The following TBC1D30 variants were observed in gnomAD, a reference collection of about 807,000 sequenced individuals.
The protein encoded by TBC1D30 is TBC1 domain family member 30.
A neutral mutation model predicts 63.2 loss-of-function variants in TBC1D30; 31 were observed. The observed-to-expected ratio is 0.49, with a 90% CI of 0.37 to 0.66. The LOEUF (loss-of-function observed/expected upper bound fraction) is 0.66. Among genes scored for constraint, TBC1D30 ranks in the 30% least tolerant of loss-of-function variants. The pLI is 0.00. For missense variants in TBC1D30, 810 were observed against 953.6 expected, an observed-to-expected ratio of 0.85 and a Z score of 1.98; for synonymous variants, 307 against 361.5, an observed-to-expected ratio of 0.85 and a Z score of 1.71.
Position 64,836,613 on chromosome 12 carries a change from C to G in TBC1D30, c.718C>G (p.Gln240Glu). ...LLRMKLPELS[Q>E]HLDTLQRTAN... is the part of the protein sequence containing the mutation. ...AAGAATGAAGCTGCCGGAATTATCT[C>G]AGCACCTGGATACTCTTCAGAGAAC... Residue 240 changes from glutamine (Q) to glutamate (E), a missense_variant, in exon 6 of 12, where the codon CAG (glutamine) becomes GAG (glutamate). Gln to Glu is a conservative substitution (Grantham distance 29). Around this residue, in one of 4 missense-constraint regions of TBC1D30, gnomAD observed 272 missense variants for 335.9 expected, o/e 0.81. Transcript: ENST00000539867. 1.3e-6 allele frequency: 2 copies of G among 1,535,984 alleles called. No individual in the cohort carries two copies. Among genetic ancestry groups the G allele is most frequent in the African/African-American group, 2.7e-5 (2 of 73,126 alleles).
At chr12:64,872,742 T>TA (rs1261366700) in intron 11 of TBC1D30, among the ~76,000 whole-genome samples, 1 of 152,194 alleles carries the variant, frequency 6.6e-6, no homozygotes, top group African/African-American at 2.4e-5. Context: ...TTAATGGACT[T>TA]ACAGTTTCAC....
At chr12:64,828,071 G>T (rs1003561402) in intron 2 of TBC1D30, among the ~76,000 whole-genome samples, 175 bp downstream of exon 2, 2 of 152,210 alleles carry the variant, frequency 1.3e-5, no homozygotes, top group Non-Finnish European at 2.9e-5. Flanking sequence ...TATATTTGCA[G>T]TGACAAATTT....
chr12:64,766,844 T>C (rs945407853), intron 1 of TBC1D30, among the ~76,000 whole-genome samples: 1 of 152,164 alleles, frequency 6.6e-6, no homozygotes, highest in Non-Finnish European at 1.5e-5. Flanking sequence ...AATACAAGTA[T>C]GTTCTCTCAC....
chr12:64,862,540 G>A (rs1435954774), intron 8 of TBC1D30, among the ~76,000 whole-genome samples: 5 of 152,158 alleles, frequency 3.3e-5, no homozygotes, highest in Non-Finnish European at 7.4e-5. Context: ...GGGTGCAGTA[G>A]GGGGAGGATG....
At chr12:64,817,330 G>A (rs933516783) in intron 2 of TBC1D30, among the ~76,000 whole-genome samples, 76 of 152,170 alleles carry the variant, frequency 5.0e-4, no homozygotes, top group African/African-American at 1.7e-3. Context: ...AATTCTCACC[G>A]TAACTCAAAT....
At chr12:64,857,248 C>G (rs1004161251) in intron 8 of TBC1D30, among the ~76,000 whole-genome samples, 2 of 152,214 alleles carry the variant, frequency 1.3e-5, no homozygotes, top group African/African-American at 4.8e-5. Flanking sequence ...CCATGGCATA[C>G]TCCCTGGATA....
At chr12:64,845,066 C>T (rs1440990051) in intron 8 of TBC1D30, among the ~76,000 whole-genome samples, 1 of 152,146 alleles carries the variant, frequency 6.6e-6, no homozygotes, top group Admixed American at 6.5e-5. Flanking sequence ...GTGAACAGTG[C>T]TGCGAGAAAC....
In TBC1D30 at chr12:64,870,828, G is replaced by C. The variant is rs1194217643; in HGVS notation, c.1498+20G>C. Reference sequence around the variant, plus strand: ...GGGCAGGTAATGTGATTCTTCATTTGAATCAATTTCAGCTCTATCTCAACT... The same window carrying C: ...GGGCAGGTAATGTGATTCTTCATTTCAATCAATTTCAGCTCTATCTCAACT... On this transcript the variant is annotated intron_variant, in intron 11 of 11. Transcript: ENST00000539867. The C allele has an allele frequency of 1.7e-5, 26 of 1,535,190 alleles. 1 individual carries two copies. The highest frequency in any genetic ancestry group is 1.7e-4 in the South Asian group (14 of 83,972).
chr12:64,764,139 A>G lies in TBC1D30; in HGVS notation c.-376+4490A>G, dbSNP rs542479107. Among the ~76,000 whole-genome samples the G allele has an allele frequency of 1.2e-3, 190 of 152,342 alleles. 1 individual carries two copies. The highest frequency in any genetic ancestry group is 4.3e-3 in the African/African-American group (179 of 41,578). On this transcript the variant is annotated intron_variant, in intron 1 of 13. Coordinates refer to the TBC1D30 transcript ENST00000674237. ...TTTTCCTGTTAGAAAGTAGTGCCCAATAATTGCCAACTCATCAGTGGTTGT... is the reference window on the plus strand; with the variant it reads ...TTTTCCTGTTAGAAAGTAGTGCCCAGTAATTGCCAACTCATCAGTGGTTGT...
chr12:64,788,139 C>G (rs1224238480), intron 2 of TBC1D30, among the ~76,000 whole-genome samples: 2 of 151,762 alleles, frequency 1.3e-5, no homozygotes, highest in Non-Finnish European at 2.9e-5. Flanking sequence ...AGGCTTTTCT[C>G]CAGAGTCAAG....
At chr12:64,833,338 G>A (rs913207093) in intron 5 of TBC1D30, among the ~76,000 whole-genome samples, 1 of 152,202 alleles carries the variant, frequency 6.6e-6, no homozygotes. Flanking sequence ...TAGTTTGCAT[G>A]TGTGTCAGTG....
intron 1 of TBC1D30, among the ~76,000 whole-genome samples, chr12:64,772,911 G>T (rs930058747): frequency 3.3e-5 from 5 of 152,168 alleles, no homozygotes; most frequent in African/African-American, 4.8e-5. Flanking sequence ...CAAAGGAAAG[G>T]TTATACTCTG....
At chr12:64,832,020 C>G (rs147638292) in intron 4 of TBC1D30, 99 bp from the exon 5 acceptor site, 1 of 1,176,490 alleles carries the variant, frequency 8.5e-7, no homozygotes, top group African/African-American at 1.5e-5. Flanking sequence ...AATTTTATGT[C>G]GATGATTTGA....
In TBC1D30 at chr12:64,876,850, G is replaced by A. The variant is rs963830861; in HGVS notation, c.*1062G>A. On this transcript the variant is annotated 3_prime_UTR_variant, in exon 12 of 12. Coordinates refer to ENST00000539867, the MANE Select transcript of TBC1D30 (RefSeq NM_015279.2). ...CCTTTCTAGCTCTCTCTCACCCAGCGGGTCAGGGATAGCACCTCTTGTCTC... is the reference window on the plus strand; with the variant it reads ...CCTTTCTAGCTCTCTCTCACCCAGCAGGTCAGGGATAGCACCTCTTGTCTC... 3.7e-5 allele frequency: 17 copies of A among 456,026 alleles called. No individual in the cohort carries two copies. Among genetic ancestry groups the A allele is most frequent in the Middle Eastern group, 6.5e-4 (2 of 3,070 alleles). The allele number at this position is 456,026 out of a possible 1,614,324, so 28.2% of individuals were successfully genotyped here.
At chr12:64,869,172 C>G (rs117317686) in intron 10 of TBC1D30, among the ~76,000 whole-genome samples, 2,071 of 152,270 alleles carry the variant, frequency 0.014, 12 homozygotes, top group Non-Finnish European at 0.022. Flanking sequence ...TGAAAGAGGA[C>G]AGAAACTGAA....
chr12:64,781,980 C>A (rs1166970329), intron 1 of TBC1D30, among the ~76,000 whole-genome samples: 1 of 151,454 alleles, frequency 6.6e-6, no homozygotes, highest in Non-Finnish European at 1.5e-5. Context: ...AGAGGTCGAC[C>A]TGAGAAAATG....
At chr12:64,788,192 GGTGTGTGTGT>G (rs61697442) in intron 2 of TBC1D30, among the ~76,000 whole-genome samples, 28 of 145,146 alleles carry the variant, frequency 1.9e-4, no homozygotes, top group East Asian at 1.0e-3. Context: ...GGTGTGTAGG[GGTGTGTGTGT>G]GTGTGTGTGT....
At chr12:64,824,362 C>T (rs12308138), upstream of TBC1D30, among the ~76,000 whole-genome samples, 1 of 152,214 alleles carries the variant, frequency 6.6e-6, no homozygotes, top group Admixed American at 6.5e-5. Context: ...GATGCTTGCC[C>T]TTACGGGTGT....
At chr12:64,763,163 C>T in intron 1 of TBC1D30, among the ~76,000 whole-genome samples, 1 of 152,090 alleles carries the variant, frequency 6.6e-6, no homozygotes, top group East Asian at 1.9e-4. Flanking sequence ...GCCATGTTGG[C>T]CAGGCTGGTC....
Sources: gnomAD v4.1 joint callset for allele counts (sites outside exome capture counted in the v4.1 genomes callset) on GRCh38, gnomAD v4.1.1 for gene constraint, gnomAD v4.1.1 regional missense constraint, MANE v1.5 for transcripts, NCBI Gene and HGNC (gene_info 2026-07-23, HGNC 2026-07-21) for gene names.